STAT1: variants seen among roughly 807,000 people sequenced by gnomAD.
STAT1 encodes signal transducer and activator of transcription 1.
In STAT1, 24 loss-of-function variants were observed where a neutral mutation model predicts 111.7. The observed-to-expected ratio is 0.21, with a 90% CI of 0.16 to 0.30. The LOEUF (loss-of-function observed/expected upper bound fraction) is 0.30. Among genes scored for constraint, STAT1 ranks in the 10% least tolerant of loss-of-function variants. STAT1 has a pLI of 1.00. For missense variants in STAT1, 351 were observed against 911.9 expected (o/e 0.38, Z 7.92); for synonymous variants, 332 against 326.5 (o/e 1.02, Z -0.18).
At chr2:191,010,133 A>G in intron 2 of STAT1, 129 bp from the exon 3 acceptor site, 1 of 1,157,058 alleles carries the variant, frequency 8.6e-7, no homozygotes, top group Non-Finnish European at 1.2e-6. Flanking sequence ...TCCCAGGAAT[A>G]TTTTATTTAA....
At position 190,999,464 on chromosome 2, in the gene STAT1, T is replaced by C. The variant is rs982836584; in HGVS notation, c.541+162A>G. 6.6e-6 allele frequency among the ~76,000 whole-genome samples: 1 copy of C among 151,930 alleles called. No homozygotes were observed. Among genetic ancestry groups the C allele is most frequent in the African/African-American group, 2.4e-5 (1 of 41,312 alleles). On this transcript the variant is annotated intron_variant, in intron 7 of 24. Transcript: ENST00000361099. The surrounding 1 kb of genome is among the most constrained non-coding windows in gnomAD (Gnocchi z 4.1). Reference sequence around the variant, plus strand: ...GCCCCAACAACAAATTAGCCCGAAATGTCAATAATATTGGATGTTGAGAAG... The same window carrying C: ...GCCCCAACAACAAATTAGCCCGAAACGTCAATAATATTGGATGTTGAGAAG...
chr2:190,984,471 G>C lies in STAT1; in HGVS notation c.1264-78C>G. The C allele has an allele frequency of 2.4e-6, 3 of 1,234,710 alleles. No homozygotes were observed. Among genetic ancestry groups the C allele is most frequent in the Non-Finnish European group, 3.5e-6 (3 of 847,210 alleles). 76.5% of individuals were successfully genotyped at this position (1,234,710 alleles called of 1,614,324 possible). A position where few individuals can be genotyped will look rare whatever the true frequency, so the allele number is the denominator to read the frequency against. ...AACTTTCAAAAGCCCAATTAACATT[G>C]CAACAGGCCACAGAGATCCTGGGCC... On this transcript the variant is annotated intron_variant, in intron 15 of 24. Coordinates refer to ENST00000361099, the MANE Select transcript of STAT1 (RefSeq NM_007315.4). The surrounding 1 kb of genome is among the most constrained non-coding windows in gnomAD (Gnocchi z 5.2).
rs770841035 is a variant in STAT1, at chr2:191,010,008, T to A, written c.-1-4A>T. On this transcript the variant is annotated splice_region_variant and splice_polypyrimidine_tract_variant and intron_variant, in intron 2 of 24. Coordinates refer to ENST00000361099, the MANE Select transcript of STAT1 (RefSeq NM_007315.4). ...AAGTTCGTACCACTGAGACATCCTA[T>A]AGGGAAAAAGAATATACATTCTTTC... 2 of 1,613,686 alleles carry A rather than the reference T, an allele frequency of 1.2e-6. No individual in the cohort carries two copies. The highest frequency in any genetic ancestry group is 1.1e-5 in the South Asian group (1 of 91,074).
rs1029676701 is a variant in STAT1, at chr2:190,975,463, A to G, written c.2135+349T>C. 5.3e-6 allele frequency: 5 copies of G among 950,810 alleles called. No homozygotes were observed. Among genetic ancestry groups the G allele is most frequent in the African/African-American group, 5.0e-5 (3 of 59,892 alleles). The allele number at this position is 950,810 out of a possible 1,614,324, so 58.9% of individuals were successfully genotyped here. A position where few individuals can be genotyped will look rare whatever the true frequency, so the allele number is the denominator to read the frequency against. On this transcript the variant is annotated intron_variant, in intron 23 of 24. Coordinates refer to ENST00000361099, the MANE Select transcript of STAT1 (RefSeq NM_007315.4). The surrounding 1 kb of genome is among the most constrained non-coding windows in gnomAD (Gnocchi z 5.9). ...TTATAAAATGAAACAACAAAATCAA[A>G]GCAAGTGGAGACAGTGTATCTCAAT...
Position 190,979,667 on chromosome 2 carries a change from G to T in STAT1, c.1727+105C>A. ...GCAGCCTATAAATGCGCACTCCTGT[G>T]AGATTCACACACGCCTAGTCAAATA... On this transcript the variant is annotated intron_variant, in intron 20 of 24. Coordinates refer to ENST00000361099, the MANE Select transcript of STAT1 (RefSeq NM_007315.4). This position sits in a 1 kb window ranked among gnomAD's most constrained non-coding sequence, Gnocchi z 5.8. The T allele has an allele frequency of 1.1e-6, 1 of 907,908 alleles. No individual in the cohort carries two copies. Among genetic ancestry groups the T allele is most frequent in the Non-Finnish European group, 1.8e-6 (1 of 549,286 alleles). The allele number at this position is 907,908 out of a possible 1,614,324, so 56.2% of individuals were successfully genotyped here. A position where few individuals can be genotyped will look rare whatever the true frequency, so the allele number is the denominator to read the frequency against.
Position 190,993,184 on chromosome 2 carries a change from C to A in STAT1, c.945-1864G>T. ...TGTAGTCTACTACTTTCTCTGTGGT[C>A]AGATCACACTTGTTCCCTACCAACA... is the stretch of plus-strand genomic sequence containing the variant. On this transcript the variant is annotated intron_variant, in intron 10 of 24. Transcript: ENST00000361099. This position sits in a 1 kb window ranked among gnomAD's most constrained non-coding sequence, Gnocchi z 4.1. 5.8e-6 allele frequency: 3 copies of A among 516,646 alleles called. No individual in the cohort carries two copies. The highest frequency in any genetic ancestry group is 5.6e-5 in the South Asian group (3 of 53,494). The allele number at this position is 516,646 out of a possible 1,614,324, so 32.0% of individuals were successfully genotyped here.
In STAT1 at chr2:190,978,973, G is replaced by C. The variant is rs1315345636; in HGVS notation, c.1756C>G (p.Arg586Gly). The change falls in exon 21 of 25, where the codon CGA (arginine) becomes GGA (glycine). Residue 586 changes from arginine to glycine, a missense_variant. Arg to Gly is a moderately radical substitution (Grantham distance 125, BLOSUM62 -2). This residue lies in a region of STAT1 where 181 missense variants were observed against 426.1 expected (regional missense o/e 0.42). Transcript: ENST00000361099. The surrounding 1 kb of genome is among the most constrained non-coding windows in gnomAD (Gnocchi z 6.1). ...GCIMGFISKERERALLKDQQP... is the reference protein window; with the variant it reads ...GCIMGFISKEGERALLKDQQP... ...TGGTCCTTCAACAGGGCACGCTCTC[G>C]CTCCTTGCTGATGAAGCCCATGATG... The C allele has an allele frequency of 2.5e-6, 4 of 1,614,164 alleles. No homozygotes were observed. Among genetic ancestry groups the C allele is most frequent in the Non-Finnish European group, 8.5e-7 (1 of 1,180,036 alleles).
rs1693559484 is a variant in STAT1, at chr2:190,993,522, A to G, written c.944+1539T>C. The G allele has an allele frequency of 1.4e-6, 1 of 740,298 alleles. No individual in the cohort carries two copies. Among genetic ancestry groups the G allele is most frequent in the Admixed American group, 2.1e-5 (1 of 48,148 alleles). The allele number at this position is 740,298 out of a possible 1,614,324, so 45.9% of individuals were successfully genotyped here. ...CTTTCCAACCCCAGAGTCGCCAATC[A>G]GAAGTAATTTGAATAAATAATCAAT... On this transcript the variant is annotated intron_variant, in intron 10 of 24. Coordinates refer to ENST00000361099, the MANE Select transcript of STAT1 (RefSeq NM_007315.4). The surrounding 1 kb of genome is among the most constrained non-coding windows in gnomAD (Gnocchi z 4.1).
At position 190,975,160 on chromosome 2, in the gene STAT1, G is replaced by A; in HGVS notation, c.2136-228C>T. On this transcript the variant is annotated intron_variant, in intron 23 of 24. Transcript: ENST00000361099. This position sits in a 1 kb window ranked among gnomAD's most constrained non-coding sequence, Gnocchi z 5.9. ...GTTTCACACTCCAGGGATGTGATAA[G>A]CAATAGCCAGACTGGAATCTGTGCC... is the stretch of plus-strand genomic sequence containing the variant. 1.9e-6 allele frequency: 1 copy of A among 535,470 alleles called. No individual in the cohort carries two copies. Among genetic ancestry groups the A allele is most frequent in the Non-Finnish European group, 3.6e-6 (1 of 280,316 alleles). The allele number at this position is 535,470 out of a possible 1,614,324, so 33.2% of individuals were successfully genotyped here.
rs1448420713 is a variant in STAT1, at chr2:190,978,618, GA to G, written c.1873+237del. The G allele has an allele frequency of 1.7e-6, 1 of 584,068 alleles. No individual in the cohort carries two copies. Among genetic ancestry groups the G allele is most frequent in the African/African-American group, 1.9e-5 (1 of 53,864 alleles). 36.2% of individuals were successfully genotyped at this position (584,068 alleles called of 1,614,324 possible). ...TGCAGATAACAAACCTGATGCAAAG[GA>G]AAGAATTGGCATTGTCTTTTCAAAA... On this transcript the variant is annotated intron_variant, in intron 21 of 24. Coordinates refer to ENST00000361099, the MANE Select transcript of STAT1 (RefSeq NM_007315.4). This position sits in a 1 kb window ranked among gnomAD's most constrained non-coding sequence, Gnocchi z 6.1.
rs1692591743 is a variant in STAT1, at chr2:190,984,065, T to C, written c.1347+245A>G. 7.9e-6 allele frequency among the ~76,000 whole-genome samples: 1 copy of C among 127,324 alleles called. No individual in the cohort carries two copies. 83.5% of individuals were successfully genotyped at this position (127,324 alleles called of 152,430 possible). On this transcript the variant is annotated intron_variant, in intron 16 of 24. Transcript: ENST00000361099. This position sits in a 1 kb window ranked among gnomAD's most constrained non-coding sequence, Gnocchi z 5.2. Reference sequence around the variant, plus strand: ...AAAATAAATAAGTCCCAATGCTTAATGTAAAAAAAAAAAATTAACATCAGC... The same window carrying C: ...AAAATAAATAAGTCCCAATGCTTAACGTAAAAAAAAAAAATTAACATCAGC...
Position 190,996,504 on chromosome 2 carries a change from G to A in STAT1, c.786-1285C>T, listed in dbSNP as rs1332479363. Among the ~76,000 whole-genome samples, 1 of 152,138 alleles carries A rather than the reference G, an allele frequency of 6.6e-6. No homozygotes were observed. Among genetic ancestry groups the A allele is most frequent in the Non-Finnish European group, 1.5e-5 (1 of 68,026 alleles). ...AGTGGGAAAACTAGAGGGCATGTGT[G>A]TCCCTACAAGAGGCTCCTGTGGTCT... On this transcript the variant is annotated intron_variant, in intron 9 of 24. Transcript: ENST00000361099. The surrounding 1 kb of genome is among the most constrained non-coding windows in gnomAD (Gnocchi z 4.5).
intron 10 of STAT1, among the ~76,000 whole-genome samples, chr2:190,991,859 A>C (rs1693369561): frequency 6.6e-6 from 1 of 151,948 alleles, no homozygotes; most frequent in Non-Finnish European, 1.5e-5. Flanking sequence ...CCTGTCTCAA[A>C]AATCCAAAAT....
At position 190,991,317 on chromosome 2, in the gene STAT1, C is replaced by A; in HGVS notation, c.948G>T (p.Ser316=). 6.2e-7 allele frequency: 1 copy of A among 1,614,026 alleles called. No individual in the cohort carries two copies. The highest frequency in any genetic ancestry group is 8.5e-7 in the Non-Finnish European group (1 of 1,179,982). ...TGCAGGGCTGTCTTTCCACCACAAA[C>A]GAGCTGCAAATACCCAGCAAAGGAT... ...FSLFQQLIQS[S]FVVERQPCMP... Residue 316 remains serine, a synonymous_variant, in exon 11 of 25, where the codon TCG becomes TCT. Transcript: ENST00000361099.
rs764163014 is a variant in STAT1, at chr2:190,987,609, A to G, written c.1098-541T>C. On this transcript the variant is annotated intron_variant, in intron 12 of 24. Transcript: ENST00000361099. The surrounding 1 kb of genome is among the most constrained non-coding windows in gnomAD (Gnocchi z 4.0). ...CTCTCATGAAAGTACCAGGAAAGTC[A>G]GTTATCTGGGGAAAGTGGCAAGTTT... Among the ~76,000 whole-genome samples the G allele has an allele frequency of 6.6e-6, 1 of 152,214 alleles. No homozygotes were observed.
intron 24 of STAT1, among the ~76,000 whole-genome samples, chr2:190,972,715 C>T (rs898779620): frequency 6.6e-6 from 1 of 151,442 alleles, no homozygotes; most frequent in Non-Finnish European, 1.5e-5. Context: ...ATATTATGAA[C>T]TCTTTTTCTT....
chr2:190,977,065 C>G lies in STAT1; in HGVS notation c.1874-40G>C. On this transcript the variant is annotated intron_variant, in intron 21 of 24. Coordinates refer to ENST00000361099, the MANE Select transcript of STAT1 (RefSeq NM_007315.4). The surrounding 1 kb of genome is among the most constrained non-coding windows in gnomAD (Gnocchi z 4.7). ...AGCTAAGTAAATCCCATAGAACATC[C>G]CAAAATGAAAGAGGACAGAGAAATA... The G allele has an allele frequency of 6.3e-7, 1 of 1,599,658 alleles. No individual in the cohort carries two copies. Among genetic ancestry groups the G allele is most frequent in the Non-Finnish European group, 8.6e-7 (1 of 1,167,108 alleles).
At position 190,994,959 on chromosome 2, in the gene STAT1, A is replaced by ATAT. The variant is rs1559017192; in HGVS notation, c.944+101_944+102insATA. The ATAT allele has an allele frequency of 5.0e-4, 233 of 461,564 alleles. 17 individuals are homozygous for ATAT. Among genetic ancestry groups the ATAT allele is most frequent in the South Asian group, 1.7e-3 (94 of 55,226 alleles). The allele number at this position is 461,564 out of a possible 1,614,324, so 28.6% of individuals were successfully genotyped here. A position where few individuals can be genotyped will look rare whatever the true frequency, so the allele number is the denominator to read the frequency against. On this transcript the variant is annotated intron_variant, in intron 10 of 24. Coordinates refer to ENST00000361099, the MANE Select transcript of STAT1 (RefSeq NM_007315.4). The stretch of plus-strand genomic sequence containing the variant: ...ATATATATATATATATATATATATA[A>ATAT]AAAACACCTATTAAACCCTTGTAAA...
intron 2 of STAT1, among the ~76,000 whole-genome samples, chr2:191,013,072 T>C (rs1032266505): frequency 6.6e-6 from 1 of 152,212 alleles, no homozygotes; most frequent in African/African-American, 2.4e-5. Context: ...TAACATCTTA[T>C]GGACCTTGGA....
Sources: gnomAD v4.1 joint callset for allele counts (sites outside exome capture counted in the v4.1 genomes callset) on GRCh38, gnomAD v4.1.1 for gene constraint, gnomAD v4.1.1 regional missense constraint, Gnocchi (gnomAD v3.1) non-coding constraint, MANE v1.5 for transcripts, NCBI Gene and HGNC (gene_info 2026-07-23, HGNC 2026-07-21) for gene names.